The following NOS1 variants were observed in gnomAD, a reference collection of about 807,000 sequenced individuals.
NOS1 encodes the protein nitric oxide synthase 1, also known as NOS type I.
Under a neutral mutation model 164.5 loss-of-function variants are expected in NOS1, and 51 were observed. The ratio of observed to expected loss-of-function variants is 0.31; its 90% CI spans 0.25 to 0.39. NOS1 has a LOEUF of 0.39. Among genes scored for constraint, NOS1 ranks in the 10% least tolerant of loss-of-function variants. The pLI is 1.00. For synonymous variants in NOS1, 719 were observed against 745.8 expected (o/e 0.96, Z 0.59); for missense variants, 1,362 against 1,885.6 (o/e 0.72, Z 5.14).
In NOS1 at chr12:117,212,665, A is replaced by C. The variant is rs1432205947; in HGVS notation, c.*2644T>G. On this transcript the variant is annotated 3_prime_UTR_variant, in exon 29 of 29. Coordinates refer to ENST00000317775, the MANE Select transcript of NOS1 (RefSeq NM_000620.5). ...GGGAAATAAATGGGCCATAACCCGA[A>C]TAACCCCCAAATATCTTGTCAACCC... 1.0e-6 allele frequency: 1 copy of C among 985,344 alleles called. No homozygotes were observed. The highest frequency in any genetic ancestry group is 6.1e-5 in the Admixed American group (1 of 16,268). The allele number at this position is 985,344 out of a possible 1,614,324, so 61.0% of individuals were successfully genotyped here. A position where few individuals can be genotyped will look rare whatever the true frequency, so the allele number is the denominator to read the frequency against.
intron 1 of NOS1, among the ~76,000 whole-genome samples, chr12:117,337,595 T>C (rs1385748002): frequency 1.3e-5 from 2 of 152,012 alleles, no homozygotes; most frequent in African/African-American, 4.8e-5. Flanking sequence ...CTTCTTAAAG[T>C]TTTCCCTTTT....
rs556008618 is a variant in NOS1 at position 117,271,577 on chromosome 12, C to T, written c.1839+808G>A. On this transcript the variant is annotated intron_variant, in intron 10 of 28. Transcript: ENST00000317775. The stretch of plus-strand genomic sequence containing the variant: ...GCATGAGCCACCGCGCCCAGCCAAC[C>T]GGTGGATTTTTAACAGCACAAACCT... 1.2e-4 allele frequency among the ~76,000 whole-genome samples: 18 copies of T among 152,182 alleles called. No individual in the cohort carries two copies. The East Asian group carries it at 1.4e-3, about 11-fold the overall frequency.
rs557564906 is a variant in NOS1, at chr12:117,228,199, C to T, written c.3406-558G>A. 2.6e-5 allele frequency among the ~76,000 whole-genome samples: 4 copies of T among 152,274 alleles called. No individual in the cohort carries two copies. In the East Asian group the frequency reaches 7.7e-4, roughly 29 times the overall value. ...TTATTCTGTGCTAAGTTTTGATTCT[C>T]ATGAGGACCTTATGAAATAGGTATT... On this transcript the variant is annotated intron_variant, in intron 22 of 28. Coordinates refer to ENST00000317775, the MANE Select transcript of NOS1 (RefSeq NM_000620.5).
chr12:117,259,101 C>G lies in NOS1; in HGVS notation c.2397G>C (p.Val799=). The change falls in exon 15 of 29, where the codon GTG becomes GTC. Residue 799 remains valine, a synonymous_variant. Coordinates refer to ENST00000317775, the MANE Select transcript of NOS1 (RefSeq NM_000620.5). ...KVMSMEEYDI[V]HLEHETLVLV... Reference sequence around the variant, plus strand: ...GGACCAGAGTTTCATGTTCCAGGTGCACAATGTCATATTCTTCCATGGACA... The same window carrying G: ...GGACCAGAGTTTCATGTTCCAGGTGGACAATGTCATATTCTTCCATGGACA... 1 of 1,614,010 alleles carries G rather than the reference C, an allele frequency of 6.2e-7. No individual in the cohort carries two copies. The highest frequency in any genetic ancestry group is 1.1e-5 in the South Asian group (1 of 91,062).
rs60470377 is a variant in NOS1 at position 117,214,833 on chromosome 12, TCACACACACA to T, written c.*466_*475del. ...AGAGGACGGACAGAGACCTGGCCCA[TCACACACACA>T]CACACACACACACACACACACACAG... is the stretch of plus-strand genomic sequence containing the variant. On this transcript the variant is annotated 3_prime_UTR_variant, in exon 29 of 29. Transcript: ENST00000317775. 7 of 966,638 alleles carry T rather than the reference TCACACACACA, an allele frequency of 7.2e-6. No individual in the cohort carries two copies. The African/African-American group carries it at 9.3e-5, about 13-fold the overall frequency. The allele number at this position is 966,638 out of a possible 1,614,324, so 59.9% of individuals were successfully genotyped here.
chr12:117,219,013 C>G (rs1391681123), intron 27 of NOS1, among the ~76,000 whole-genome samples: 2 of 149,388 alleles, frequency 1.3e-5, no homozygotes, highest in South Asian at 2.1e-4. Context: ...GAGTCTCGCT[C>G]TGTCACCCAG....
At chr12:117,254,954 C>T (rs1021156911) in intron 16 of NOS1, among the ~76,000 whole-genome samples, 3 of 152,140 alleles carry the variant, frequency 2.0e-5, no homozygotes, top group African/African-American at 4.8e-5. Flanking sequence ...TCAGCACTGA[C>T]GCCTGGCATG....
rs1872966258 is a variant in NOS1, at chr12:117,290,387, T to C, written c.892A>G (p.Ser298Gly). Residue 298 changes from serine (S) to glycine (G), a missense_variant, in exon 4 of 29, where the codon AGC becomes GGC. Physicochemically the swap from Ser to Gly is moderately conservative, Grantham distance 56. This residue lies in a region of NOS1 where 362 missense variants were observed against 402.0 expected (regional missense o/e 0.90). Coordinates refer to ENST00000317775, the MANE Select transcript of NOS1 (RefSeq NM_000620.5). ...AGGAAGCGTGGACACTTGGAGGGGC[T>C]GCCATTCTTTGTGGGGGACTGTTTT... Reference protein sequence around the residue: ...SGKQSPTKNGSPSKCPRFLKV... With the variant: ...SGKQSPTKNGGPSKCPRFLKV... 1 of 1,613,808 alleles carries C rather than the reference T, an allele frequency of 6.2e-7. No homozygotes were observed. Among genetic ancestry groups the C allele is most frequent in the Non-Finnish European group, 8.5e-7 (1 of 1,179,838 alleles).
At chr12:117,324,319 C>T (rs115889858) in intron 2 of NOS1, among the ~76,000 whole-genome samples, 358 of 152,260 alleles carry the variant, frequency 2.4e-3, no homozygotes, top group African/African-American at 8.3e-3. Context: ...CAGAGCAGGG[C>T]GAGGCTGACC....
Position 117,215,056 on chromosome 12 carries a change from G to T in NOS1, c.*253C>A. The T allele has an allele frequency of 8.3e-7, 1 of 1,204,068 alleles. No individual in the cohort carries two copies. 74.6% of individuals were successfully genotyped at this position (1,204,068 alleles called of 1,614,324 possible). A position where few individuals can be genotyped will look rare whatever the true frequency, so the allele number is the denominator to read the frequency against. ...CCGTGAGTTGCCCTTGTCGGCAAGA[G>T]AGGGAGTGGGAACAGAGTTTTGTAA... On this transcript the variant is annotated 3_prime_UTR_variant, in exon 29 of 29. Transcript: ENST00000317775.
intron 24 of NOS1, among the ~76,000 whole-genome samples, chr12:117,225,702 A>G (rs1868608061): frequency 6.6e-6 from 1 of 151,742 alleles, no homozygotes. Context: ...ATCTTGGCTC[A>G]CTGCACTCCA....
In NOS1 at chr12:117,227,627, G is replaced by A. The variant is rs747681671; in HGVS notation, c.3420C>T (p.Tyr1140=). 31 of 1,613,848 alleles carry A rather than the reference G, an allele frequency of 1.9e-5. No individual in the cohort carries two copies. Among genetic ancestry groups the A allele is most frequent in the South Asian group, 9.9e-5 (9 of 91,078 alleles). ...GGTTCTTGCCCCATTTCCATTCCTC[G>A]TACTCCTGCAAACCCTGTGCCAAGG... The part of the protein sequence containing the change: ...LLVLSKGLQE[Y]EEWKWGKNPT... The change falls in exon 23 of 29, where the codon TAC becomes TAT. Residue 1140 remains tyrosine, a synonymous_variant. Coordinates refer to ENST00000317775, the MANE Select transcript of NOS1 (RefSeq NM_000620.5).
chr12:117,361,070 G>A (rs890004235), intron 1 of NOS1, among the ~76,000 whole-genome samples: 1 of 152,146 alleles, frequency 6.6e-6, no homozygotes, highest in African/African-American at 2.4e-5. Context: ...GCTCGGGCGG[G>A]AGCGGGGAGC....
Position 117,243,584 on chromosome 12 carries a change from T to TCCAC in NOS1, c.2824-150_2824-149insGTGG. 1.1e-6 allele frequency: 1 copy of TCCAC among 898,008 alleles called. No homozygotes were observed. Among genetic ancestry groups the TCCAC allele is most frequent in the Non-Finnish European group, 1.7e-6 (1 of 592,028 alleles). The allele number at this position is 898,008 out of a possible 1,614,324, so 55.6% of individuals were successfully genotyped here. On this transcript the variant is annotated intron_variant, in intron 18 of 28. Coordinates refer to ENST00000317775, the MANE Select transcript of NOS1 (RefSeq NM_000620.5). The surrounding 1 kb of genome is among the most constrained non-coding windows in gnomAD (Gnocchi z 4.3). ...ATCCATCCATCCATCCATCCATCCA[T>TCCAC]CCATCCAGTAACCCTTCCCTCCTTC...
rs546641110 is a variant in NOS1, at chr12:117,256,782, A to T, written c.2531+1615T>A. Among the ~76,000 whole-genome samples, 5 of 151,114 alleles carry T rather than the reference A, an allele frequency of 3.3e-5. No homozygotes were observed. In the South Asian group the frequency reaches 1.1e-3, roughly 32 times the overall value. On this transcript the variant is annotated intron_variant, in intron 16 of 28. Coordinates refer to ENST00000317775, the MANE Select transcript of NOS1 (RefSeq NM_000620.5). ...GGCTTTTCAAGGGTCATTAACAAAA[A>T]TTTTTTTGTCATGGTGCGGTGGCTC...
At position 117,211,554 on chromosome 12, in the gene NOS1, C is replaced by G; in HGVS notation, c.*3755G>C. The G allele has an allele frequency of 1.0e-6, 1 of 985,612 alleles. No homozygotes were observed. Among genetic ancestry groups the G allele is most frequent in the South Asian group, 4.7e-5 (1 of 21,288 alleles). 61.1% of individuals were successfully genotyped at this position (985,612 alleles called of 1,614,324 possible). A position where few individuals can be genotyped will look rare whatever the true frequency, so the allele number is the denominator to read the frequency against. On this transcript the variant is annotated 3_prime_UTR_variant, in exon 29 of 29. Transcript: ENST00000317775. Reference sequence around the variant, plus strand: ...AAATTTCTTGTAATGCCACTCACCTCTCCCCACGGTCTGGTCCCAGCCCAC... The same window carrying G: ...AAATTTCTTGTAATGCCACTCACCTGTCCCCACGGTCTGGTCCCAGCCCAC...
chr12:117,221,124 A>ATT (rs915854675), intron 26 of NOS1, among the ~76,000 whole-genome samples: 2 of 139,242 alleles, frequency 1.4e-5, no homozygotes, highest in African/African-American at 5.9e-5. Context: ...GGGCTGTTAA[A>ATT]TTTATTTTTA....
chr12:117,230,615 G>A (rs1869129863), intron 22 of NOS1, among the ~76,000 whole-genome samples: 1 of 152,208 alleles, frequency 6.6e-6, no homozygotes, highest in Non-Finnish European at 1.5e-5. Flanking sequence ...CCCCCATTGG[G>A]AGCAGCATGG....
intron 14 of NOS1, among the ~76,000 whole-genome samples, chr12:117,260,133 A>C (rs1447837973): frequency 1.5e-5 from 2 of 136,588 alleles, no homozygotes; most frequent in African/African-American, 3.2e-5. Context: ...AAAAAAAAAA[A>C]CAAAAAACAA....
Sources: gnomAD v4.1 joint callset for allele counts (sites outside exome capture counted in the v4.1 genomes callset) on GRCh38, gnomAD v4.1.1 for gene constraint, gnomAD v4.1.1 regional missense constraint, Gnocchi (gnomAD v3.1) non-coding constraint, MANE v1.5 for transcripts, NCBI Gene and HGNC (gene_info 2026-07-23, HGNC 2026-07-21) for gene names.